Variants in ARRB1 observed in about 807,000 individuals in gnomAD.
ARRB1 encodes the protein arrestin beta 1.
Under a neutral mutation model 56.8 loss-of-function variants are expected in ARRB1, and 21 were observed. That is an observed-to-expected ratio of 0.37 (90% CI 0.26 to 0.53). The LOEUF (loss-of-function observed/expected upper bound fraction) is 0.53. Ranked by LOEUF, ARRB1 falls within the 20% of genes least tolerant of loss-of-function variation. The probability of loss-of-function intolerance (pLI) is 0.88; values close to 1 mark genes in which losing one functional copy is unlikely to be tolerated. For synonymous variants in ARRB1, 210 were observed against 218.6 expected, an observed-to-expected ratio of 0.96 and a Z score of 0.35; for missense variants, 424 against 553.7, an observed-to-expected ratio of 0.77 and a Z score of 2.35.
rs907911923 is a variant in ARRB1 at position 75,263,046 on chromosome 11, C to T, written c.*3117G>A. Reference sequence around the variant, plus strand: ...CTTCCTGCCCGGACCGGTGTCCACACGCCACCCACAGGGCACACTGCAAAG... The same window carrying T: ...CTTCCTGCCCGGACCGGTGTCCACATGCCACCCACAGGGCACACTGCAAAG... On this transcript the variant is annotated 3_prime_UTR_variant, in exon 16 of 16. Transcript: ENST00000420843. 4.6e-5 allele frequency among the ~76,000 whole-genome samples: 7 copies of T among 152,208 alleles called. No individual in the cohort carries two copies. The highest frequency in any genetic ancestry group is 1.9e-4 in the East Asian group (1 of 5,196).
chr11:75,281,515 T>A (rs964863199), intron 6 of ARRB1: 1 of 331,252 alleles, frequency 3.0e-6, no homozygotes, highest in Admixed American at 4.5e-5. Context: ...GGTATTCCTC[T>A]AACAAGACAA....
intron 1 of ARRB1, among the ~76,000 whole-genome samples, chr11:75,345,293 C>A (rs1169775858): frequency 6.6e-6 from 1 of 152,140 alleles, no homozygotes; most frequent in African/African-American, 2.4e-5. Flanking sequence ...CGAGAGATGA[C>A]CCTGCCAGGG....
chr11:75,296,164 C>T (rs140203674), intron 1 of ARRB1, among the ~76,000 whole-genome samples: 161 of 117,224 alleles, frequency 1.4e-3, no homozygotes, highest in African/African-American at 5.0e-3. Context: ...CTAGCCTGGG[C>T]GACAGAGTAA....
At chr11:75,351,531 TGTCC>T in intron 1 of ARRB1, 53 bp downstream of exon 1, 6 of 1,496,208 alleles carry the variant, frequency 4.0e-6, no homozygotes, top group Non-Finnish European at 5.3e-6. Context: ...CCCCCGCCCG[TGTCC>T]TCGCCGAGGT....
chr11:75,319,490 CCT>C (rs1463257462), intron 1 of ARRB1, among the ~76,000 whole-genome samples: 6 of 152,210 alleles, frequency 3.9e-5, no homozygotes, highest in African/African-American at 1.4e-4. Flanking sequence ...TCCCACCCTG[CCT>C]CTCTGTCCAA....
intron 1 of ARRB1, chr11:75,306,434 C>T: frequency 1.9e-6 from 1 of 516,172 alleles, no homozygotes; most frequent in Non-Finnish European, 3.5e-6. Context: ...CCCACCTATG[C>T]CAGAGGCTGG....
intron 1 of ARRB1, chr11:75,311,992 G>A: frequency 1.6e-6 from 2 of 1,266,566 alleles, no homozygotes; most frequent in Non-Finnish European, 1.0e-6. Context: ...CTGGGAAAAA[G>A]CTGACCGTTC....
chr11:75,297,228 A>C (rs549727432), intron 1 of ARRB1, among the ~76,000 whole-genome samples: 184 of 152,168 alleles, frequency 1.2e-3, no homozygotes, highest in Middle Eastern at 3.4e-3. Context: ...CCTAAAATTC[A>C]TAAGGAAATG....
intron 1 of ARRB1, chr11:75,312,049 A>G (rs546812): frequency 0.55 from 709,554 of 1,288,676 alleles, 198,213 homozygotes; most frequent in African/African-American, 0.76. Context: ...CCCCTCCTCT[A>G]AGTGCTGATC....
rs138497456 is a variant in ARRB1 at position 75,277,369 on chromosome 11, A to G, written c.698T>C (p.Ile233Thr). The G allele has an allele frequency of 1.4e-4, 221 of 1,613,856 alleles. No homozygotes were observed. Among genetic ancestry groups the G allele is most frequent in the Admixed American group, 2.7e-4 (16 of 59,994 alleles). Residue 233 changes from isoleucine to threonine, a missense_variant, in exon 9 of 16, where the codon ATC becomes ACC. Transcript: ENST00000420843. The stretch of plus-strand genomic sequence containing the variant: ...TGACCCTCTGTCTGGGATACCTGAG[A>G]TCTTGATCTTCTTCACCGTCTTGTT... Reference protein sequence around the residue: ...NTNKTVKKIKISVRQYADICL... With the variant: ...NTNKTVKKIKTSVRQYADICL...
intron 12 of ARRB1, among the ~76,000 whole-genome samples, chr11:75,271,995 A>C (rs1946083402): frequency 6.6e-6 from 1 of 152,128 alleles, no homozygotes; most frequent in African/African-American, 2.4e-5. Flanking sequence ...TGTAAAAATT[A>C]ACCCCAGTGC....
chr11:75,312,013 A>G, intron 1 of ARRB1: 2 of 1,283,514 alleles, frequency 1.6e-6, no homozygotes, highest in Middle Eastern at 2.1e-4. Flanking sequence ...TCGAAGGCCC[A>G]GATCGGAGGC....
At chr11:75,293,516 G>A (rs1946656699) in intron 1 of ARRB1, among the ~76,000 whole-genome samples, 1 of 152,196 alleles carries the variant, frequency 6.6e-6, no homozygotes, top group Non-Finnish European at 1.5e-5. Context: ...ACTTTGAAGA[G>A]CAAGCACACA....
chr11:75,267,763 G>A (rs139538894), intron 14 of ARRB1, 60 bp from the exon 15 acceptor site: 16 of 1,492,366 alleles, frequency 1.1e-5, no homozygotes, highest in East Asian at 4.5e-5. Context: ...AGCACGGGGC[G>A]AGTAAGCACA....
intron 6 of ARRB1, chr11:75,281,709 C>A: frequency 1.9e-6 from 1 of 524,426 alleles, no homozygotes; most frequent in Admixed American, 3.3e-5. Context: ...ACACTTTGGT[C>A]CTGTTGCAGC....
At chr11:75,319,499 C>T (rs2140493314) in intron 1 of ARRB1, among the ~76,000 whole-genome samples, 1 of 152,350 alleles carries the variant, frequency 6.6e-6, no homozygotes, top group South Asian at 2.1e-4. Context: ...GCCTCTCTGT[C>T]CAACTCTTAC....
rs115934004 is a variant in ARRB1 at position 75,304,744 on chromosome 11, C to G, written c.21-14705G>C. On this transcript the variant is annotated intron_variant, in intron 1 of 15. Transcript: ENST00000420843. ...CCCCCAAACCCCCCGCAAAGGATCTCCAGACCAAAATGTTATGGTGCTGAT... is the reference window on the plus strand; with the variant it reads ...CCCCCAAACCCCCCGCAAAGGATCTGCAGACCAAAATGTTATGGTGCTGAT... Among the ~76,000 whole-genome samples, 209 of 151,694 alleles carry G rather than the reference C, an allele frequency of 1.4e-3. 1 individual carries two copies. The highest frequency in any genetic ancestry group is 4.9e-3 in the African/African-American group (203 of 41,384).
intron 1 of ARRB1, among the ~76,000 whole-genome samples, chr11:75,304,434 G>A (rs1264279718): frequency 6.6e-6 from 1 of 150,846 alleles, no homozygotes; most frequent in Non-Finnish European, 1.5e-5. Flanking sequence ...AATAGTTGTG[G>A]GGGAAAAAAA....
chr11:75,283,587 G>A (rs546477017), intron 4 of ARRB1, 104 bp from the exon 5 acceptor site: 36 of 1,158,432 alleles, frequency 3.1e-5, no homozygotes, highest in Non-Finnish European at 3.6e-5. Flanking sequence ...GAGGCCCCAA[G>A]CCTGTCCCAA....
Sources: gnomAD v4.1 joint callset for allele counts (sites outside exome capture counted in the v4.1 genomes callset) on GRCh38, gnomAD v4.1.1 for gene constraint, MANE v1.5 for transcripts, NCBI Gene and HGNC (gene_info 2026-07-23, HGNC 2026-07-21) for gene names.